Variants in PLEKHM3 observed in about 807,000 individuals in gnomAD.
PLEKHM3 encodes the protein pleckstrin homology domain-containing family M member 3.
A neutral mutation model predicts 81.8 loss-of-function variants in PLEKHM3; 45 were observed. The ratio of observed to expected loss-of-function variants is 0.55; its 90% CI spans 0.43 to 0.71. The LOEUF is 0.71. Among genes scored for constraint, PLEKHM3 ranks in the 30% least tolerant of loss-of-function variants. PLEKHM3 has a pLI of 0.00. For missense variants in PLEKHM3, 788 were observed against 924.3 expected (o/e 0.85, Z 1.91); for synonymous variants, 352 against 356.4 (o/e 0.99, Z 0.14).
At chr2:207,903,986 ATC>A (rs1324213716) in intron 6 of PLEKHM3, among the ~76,000 whole-genome samples, 1 of 152,216 alleles carries the variant, frequency 6.6e-6, no homozygotes, top group Non-Finnish European at 1.5e-5. Flanking sequence ...TATTCTATTT[ATC>A]CTTCTCAAAG....
intron 6 of PLEKHM3, among the ~76,000 whole-genome samples, chr2:207,893,259 C>T (rs1171611437): frequency 6.6e-6 from 1 of 152,236 alleles, no homozygotes; most frequent in East Asian, 1.9e-4. Context: ...CATTGTGCTG[C>T]TGTTTGACAC....
intron 3 of PLEKHM3, among the ~76,000 whole-genome samples, chr2:207,950,636 T>A (rs1364628399): frequency 6.6e-6 from 1 of 152,196 alleles, no homozygotes; most frequent in Admixed American, 6.5e-5. Context: ...GATTGCTCCC[T>A]GATTTCTAGG....
intron 2 of PLEKHM3, among the ~76,000 whole-genome samples, chr2:207,983,083 G>A (rs1274148808): frequency 5.3e-5 from 7 of 133,282 alleles, no homozygotes; most frequent in African/African-American, 1.1e-4. Context: ...ACGGAGTCTC[G>A]CTCTGTCGCC....
intron 1 of PLEKHM3, among the ~76,000 whole-genome samples, chr2:208,016,580 G>A (rs530215687): frequency 2.9e-4 from 43 of 150,584 alleles, no homozygotes; most frequent in African/African-American, 1.1e-3. Context: ...GCCTTGGGAG[G>A]CAGAGATTGC....
chr2:207,836,016 T>TGGGACCAGGAAGGG (rs1175775039), intron 7 of PLEKHM3, among the ~76,000 whole-genome samples: 48 of 152,136 alleles, frequency 3.2e-4, no homozygotes, highest in Non-Finnish European at 5.9e-4. Context: ...CCACAAGACA[T>TGGGACCAGGAAGGG]GGGACCAGGA....
intron 6 of PLEKHM3, among the ~76,000 whole-genome samples, chr2:207,873,055 G>C (rs188681710): frequency 6.6e-6 from 1 of 152,266 alleles, no homozygotes; most frequent in African/African-American, 2.4e-5. Flanking sequence ...TAAGAGTTAG[G>C]AGAGACATGA....
At chr2:207,860,148 CCT>C (rs1491507939) in intron 7 of PLEKHM3, among the ~76,000 whole-genome samples, 42 of 58,102 alleles carry the variant, frequency 7.2e-4, no homozygotes, top group African/African-American at 2.3e-3. Flanking sequence ...CTGAACTCTG[CCT>C]CTGTGTGTGT....
chr2:208,016,404 G>C lies in PLEKHM3; in HGVS notation c.-319+8985C>G, dbSNP rs73066727. On this transcript the variant is annotated intron_variant, in intron 1 of 7. Transcript: ENST00000427836. ...TCACACCTATAATCCCAGCACTTTG[G>C]GGGGAGATGGTGGCAGGTGGATCTC... 2.9e-4 allele frequency among the ~76,000 whole-genome samples: 44 copies of C among 151,810 alleles called. No homozygotes were observed. The South Asian group carries it at 4.4e-3, about 15-fold the overall frequency.
At chr2:207,856,696 A>ATGCCTTCAGGTACTGAAGGACATCTTG (rs2092439310) in intron 7 of PLEKHM3, among the ~76,000 whole-genome samples, 1 of 152,150 alleles carries the variant, frequency 6.6e-6, no homozygotes, top group Non-Finnish European at 1.5e-5. Context: ...GCCACAGTTT[A>ATGCCTTCAGGTACTGAAGGACATCTTG]TGCCTTCAGG....
At position 207,932,914 on chromosome 2, in the gene PLEKHM3, GTACA is replaced by G. The variant is rs1461351124; in HGVS notation, c.1693-1799_1693-1796del. ...ATTATATGTTGATTATAAATTTCTC[GTACA>G]TAAACATAAAATTCAATATGATCAT... On this transcript the variant is annotated intron_variant, in intron 4 of 7. Coordinates refer to ENST00000427836, the MANE Select transcript of PLEKHM3 (RefSeq NM_001080475.3). Among the ~76,000 whole-genome samples the G allele has an allele frequency of 2.2e-4, 33 of 152,106 alleles. 1 individual carries two copies. The highest frequency in any genetic ancestry group is 7.5e-4 in the African/African-American group (31 of 41,488).
At chr2:207,959,147 C>T (rs1169647938) in intron 3 of PLEKHM3, among the ~76,000 whole-genome samples, 1 of 152,102 alleles carries the variant, frequency 6.6e-6, no homozygotes, top group Non-Finnish European at 1.5e-5. Context: ...GGTTTTTCAG[C>T]ACTTCCTTAA....
intron 3 of PLEKHM3, among the ~76,000 whole-genome samples, chr2:207,955,494 G>C (rs1316364783): frequency 6.6e-6 from 1 of 152,194 alleles, no homozygotes; most frequent in Non-Finnish European, 1.5e-5. Context: ...CTATAAGCCA[G>C]GCACTGTCAT....
chr2:207,892,259 C>T (rs775484240), intron 6 of PLEKHM3, among the ~76,000 whole-genome samples: 25 of 152,138 alleles, frequency 1.6e-4, no homozygotes, highest in South Asian at 2.1e-4. Flanking sequence ...TACTTTCCTG[C>T]GGTGCTCATC....
intron 5 of PLEKHM3, among the ~76,000 whole-genome samples, chr2:207,924,637 A>T (rs181288965): frequency 3.3e-5 from 5 of 152,246 alleles, no homozygotes; most frequent in Admixed American, 3.3e-4. Context: ...GTGAGCTGAG[A>T]TCGCGCCACT....
At chr2:207,898,114 C>T (rs763092234) in intron 6 of PLEKHM3, among the ~76,000 whole-genome samples, 2 of 152,160 alleles carry the variant, frequency 1.3e-5, no homozygotes, top group African/African-American at 4.8e-5. Flanking sequence ...AATTCCTTCT[C>T]GTAATTCAGC....
intron 6 of PLEKHM3, among the ~76,000 whole-genome samples, chr2:207,888,835 G>C (rs1198592266): frequency 6.6e-6 from 1 of 152,078 alleles, no homozygotes; most frequent in African/African-American, 2.4e-5. Context: ...AATACTTTAG[G>C]ATACCAAAAA....
At chr2:207,909,227 A>C (rs1287639296) in intron 5 of PLEKHM3, among the ~76,000 whole-genome samples, 4 of 152,244 alleles carry the variant, frequency 2.6e-5, no homozygotes, top group African/African-American at 9.6e-5. Flanking sequence ...CAGTATCTTT[A>C]GCTGCTGTCC....
intron 6 of PLEKHM3, among the ~76,000 whole-genome samples, chr2:207,899,599 T>C (rs1688351766): frequency 6.6e-6 from 1 of 152,162 alleles, no homozygotes; most frequent in African/African-American, 2.4e-5. Context: ...ACAGGTGGGA[T>C]GGAAAGATTT....
intron 6 of PLEKHM3, among the ~76,000 whole-genome samples, chr2:207,868,272 T>C (rs1312199921): frequency 2.9e-5 from 2 of 68,682 alleles, no homozygotes; most frequent in East Asian, 4.6e-4. Flanking sequence ...AAGCTTATTA[T>C]TATTTTTTTT....
Sources: allele counts gnomAD v4.1 joint callset (sites outside exome capture counted in the v4.1 genomes callset), GRCh38; gene constraint gnomAD v4.1.1; transcripts MANE v1.5; gene names NCBI Gene and HGNC (gene_info 2026-07-23, HGNC 2026-07-21).